ACMSD: variants seen among roughly 807,000 people sequenced by gnomAD.
ACMSD encodes the protein 2-amino-3-carboxymuconate-6-semialdehyde decarboxylase.
Under a neutral mutation model 45.9 loss-of-function variants are expected in ACMSD, and 37 were observed. The observed-to-expected ratio is 0.81, with a 90% CI of 0.62 to 1.06. ACMSD has a LOEUF of 1.06. Among genes scored for constraint, ACMSD ranks in the 50% least tolerant of loss-of-function variants. ACMSD has a pLI of 0.00. For synonymous variants in ACMSD, 138 were observed against 148.8 expected, an observed-to-expected ratio of 0.93 and a Z score of 0.53; for missense variants, 434 against 420.9, an observed-to-expected ratio of 1.03 and a Z score of -0.27.
At chr2:134,867,767 A>G (rs1559052313) in intron 6 of ACMSD, 95 bp downstream of exon 6, 6 of 984,202 alleles carry the variant, frequency 6.1e-6, no homozygotes, top group Non-Finnish European at 6.3e-6. Context: ...GAAAGTATGA[A>G]TAATTAACAG....
At chr2:134,885,317 A>G (rs188717455) in intron 8 of ACMSD, among the ~76,000 whole-genome samples, 42 of 67,874 alleles carry the variant, frequency 6.2e-4, no homozygotes, top group Admixed American at 1.3e-3. Context: ...ATATATATAT[A>G]TAAATATATA....
At chr2:134,844,943 T>A (rs981947328) in intron 1 of ACMSD, among the ~76,000 whole-genome samples, 13 of 152,290 alleles carry the variant, frequency 8.5e-5, no homozygotes, top group Admixed American at 6.5e-4. Flanking sequence ...AGGTGGCACA[T>A]GAACAATATT....
chr2:134,891,923 T>G (rs1689807174), intron 8 of ACMSD, among the ~76,000 whole-genome samples: 1 of 152,200 alleles, frequency 6.6e-6, no homozygotes, highest in African/African-American at 2.4e-5. Flanking sequence ...TCATGTCTTT[T>G]GTAGCAACAT....
intron 8 of ACMSD, among the ~76,000 whole-genome samples, chr2:134,896,656 G>A (rs1690168024): frequency 6.6e-6 from 1 of 152,168 alleles, no homozygotes; most frequent in Admixed American, 6.6e-5. Context: ...AATAACCAAT[G>A]TTGGCGAGGA....
At chr2:134,895,863 A>G (rs1690118537) in intron 8 of ACMSD, among the ~76,000 whole-genome samples, 1 of 152,182 alleles carries the variant, frequency 6.6e-6, no homozygotes, top group African/African-American at 2.4e-5. Context: ...CTCCGTCTCA[A>G]AAAAGAAAAT....
chr2:134,846,668 A>T (rs929005926), intron 2 of ACMSD, among the ~76,000 whole-genome samples: 1 of 152,074 alleles, frequency 6.6e-6, no homozygotes, highest in Non-Finnish European at 1.5e-5. Context: ...CAGCCTCCCA[A>T]AGTAGCACAT....
At chr2:134,846,347 C>T (rs1292263082) in intron 2 of ACMSD, among the ~76,000 whole-genome samples, 1 of 152,164 alleles carries the variant, frequency 6.6e-6, no homozygotes, top group Non-Finnish European at 1.5e-5. Flanking sequence ...AGAGGTAGGG[C>T]AAGCAACCTG....
intron 2 of ACMSD, among the ~76,000 whole-genome samples, chr2:134,851,127 T>A (rs1444480894): frequency 7.2e-5 from 11 of 152,072 alleles, no homozygotes; most frequent in Non-Finnish European, 8.8e-5. Context: ...GGATATGACT[T>A]CATTATTTTT....
intron 2 of ACMSD, among the ~76,000 whole-genome samples, chr2:134,845,509 GTCTCTCTCTCTCTCTC>G (rs59782657): frequency 8.2e-4 from 77 of 94,400 alleles, no homozygotes; most frequent in African/African-American, 1.4e-3. Context: ...ACATTAAAAG[GTCTCTCTCTCTCTCTC>G]TCTCTCTCTC....
At chr2:134,847,449 T>C (rs142872879) in intron 2 of ACMSD, among the ~76,000 whole-genome samples, 1,471 of 128,714 alleles carry the variant, frequency 0.011, 28 homozygotes, top group African/African-American at 0.04. Context: ...GATAGATAGA[T>C]ATAGATAGAG....
intron 8 of ACMSD, among the ~76,000 whole-genome samples, chr2:134,876,003 G>C (rs1688713477): frequency 6.6e-6 from 1 of 152,186 alleles, no homozygotes; most frequent in Admixed American, 6.5e-5. Flanking sequence ...ACTGTAGGCA[G>C]TTGTAACCCA....
intron 1 of ACMSD, among the ~76,000 whole-genome samples, chr2:134,841,955 A>T (rs1686824660): frequency 6.6e-6 from 1 of 152,216 alleles, no homozygotes; most frequent in South Asian, 2.1e-4. Flanking sequence ...CAGGAGGCTC[A>T]TTATTCACCT....
At chr2:134,878,927 G>C (rs1257416763) in intron 8 of ACMSD, among the ~76,000 whole-genome samples, 2 of 152,158 alleles carry the variant, frequency 1.3e-5, no homozygotes, top group Non-Finnish European at 2.9e-5. Context: ...TTTCTGCTAA[G>C]GTGGCTGAGA....
At chr2:134,867,551 C>G (rs1408629138) in intron 5 of ACMSD, 28 bp from the exon 6 acceptor site, 1 of 1,552,306 alleles carries the variant, frequency 6.4e-7, no homozygotes, top group Admixed American at 1.7e-5. Flanking sequence ...AAGTAACCCT[C>G]TCTCTCTCTC....
chr2:134,885,310 T>TGTAA (rs1451729039), intron 8 of ACMSD, among the ~76,000 whole-genome samples: 6 of 103,608 alleles, frequency 5.8e-5, no homozygotes, highest in South Asian at 2.7e-4. Context: ...TATTTAAATA[T>TGTAA]ATATATATAA....
chr2:134,847,601 C>T (rs142425247), intron 2 of ACMSD, among the ~76,000 whole-genome samples: 1,993 of 152,152 alleles, frequency 0.013, 40 homozygotes, highest in African/African-American at 0.045. Flanking sequence ...TAATGCTATC[C>T]GTCCCCTAGA....
intron 1 of ACMSD, among the ~76,000 whole-genome samples, chr2:134,840,398 A>G (rs984336725): frequency 1.3e-5 from 2 of 151,960 alleles, no homozygotes; most frequent in Non-Finnish European, 2.9e-5. Flanking sequence ...CAGGATTTTG[A>G]GGCTTAGAGA....
At chr2:134,894,380 T>C (rs1400643102) in intron 8 of ACMSD, among the ~76,000 whole-genome samples, 4 of 152,036 alleles carry the variant, frequency 2.6e-5, no homozygotes, top group African/African-American at 7.2e-5. Flanking sequence ...ACCTAAATGA[T>C]TTATGAAATT....
intron 8 of ACMSD, among the ~76,000 whole-genome samples, chr2:134,882,447 T>C (rs2104917258): frequency 6.6e-6 from 1 of 152,326 alleles, no homozygotes; most frequent in Middle Eastern, 3.4e-3. Flanking sequence ...TGTGACGAGT[T>C]AACATAATAC....
Sources: gnomAD v4.1 joint callset for allele counts (sites outside exome capture counted in the v4.1 genomes callset) on GRCh38, gnomAD v4.1.1 for gene constraint, MANE v1.5 for transcripts, NCBI Gene and HGNC (gene_info 2026-07-23, HGNC 2026-07-21) for gene names.